Variants in COL27A1 observed in about 807,000 individuals in gnomAD.
COL27A1 encodes the protein collagen alpha-1(XXVII) chain.
A neutral mutation model predicts 251.3 loss-of-function variants in COL27A1; 106 were observed. The observed-to-expected ratio is 0.42, with a 90% CI of 0.36 to 0.50. The LOEUF (loss-of-function observed/expected upper bound fraction) is 0.50, where lower values mean the gene tolerates loss of function less well. Ranked by LOEUF, COL27A1 falls within the 20% of genes least tolerant of loss-of-function variation. COL27A1 has a pLI of 0.00. For synonymous variants in COL27A1, 1,000 were observed against 986.3 expected (o/e 1.01, Z -0.26); for missense variants, 2,325 against 2,522.8 (o/e 0.92, Z 1.68).
intron 1 of COL27A1, among the ~76,000 whole-genome samples, chr9:114,161,748 G>A (rs2135019683): frequency 6.6e-6 from 1 of 152,364 alleles, no homozygotes; most frequent in South Asian, 2.1e-4. Flanking sequence ...TACCCCAGGT[G>A]GCTTCGGGTG....
chr9:114,242,930 GA>G (rs1486365557), intron 22 of COL27A1, among the ~76,000 whole-genome samples: 1 of 151,794 alleles, frequency 6.6e-6, no homozygotes, highest in Non-Finnish European at 1.5e-5. Context: ...CATTTTTGCA[GA>G]TCTCTCTTTA....
rs147959640 is a variant in COL27A1 at position 114,203,824 on chromosome 9, C to T, written c.2125-1278C>T. 4.3e-3 allele frequency among the ~76,000 whole-genome samples: 653 copies of T among 152,160 alleles called. 2 individuals are homozygous for T. The highest frequency in any genetic ancestry group is 8.9e-3 in the African/African-American group (369 of 41,498). ...CTGGAGATGTTTGCAAGATTTCCAGCGTGTTCCCAGATGTCAGAAGGATCT... is the reference window on the plus strand; with the variant it reads ...CTGGAGATGTTTGCAAGATTTCCAGTGTGTTCCCAGATGTCAGAAGGATCT... On this transcript the variant is annotated intron_variant, in intron 7 of 60. Transcript: ENST00000356083.
At chr9:114,241,888 T>A (rs527754617) in intron 21 of COL27A1, among the ~76,000 whole-genome samples, 3 of 152,232 alleles carry the variant, frequency 2.0e-5, no homozygotes, top group Admixed American at 6.5e-5. Flanking sequence ...ATCTTTGAGC[T>A]GCAGTTTGAG....
chr9:114,242,318 G>A (rs1832817722), intron 22 of COL27A1, 87 bp downstream of exon 22: 16 of 1,213,560 alleles, frequency 1.3e-5, no homozygotes, highest in Non-Finnish European at 1.9e-5. Context: ...CAGTGCTCCA[G>A]AGGGAAGTCA....
At chr9:114,295,669 T>A (rs929829957) in intron 49 of COL27A1, among the ~76,000 whole-genome samples, 1 of 152,170 alleles carries the variant, frequency 6.6e-6, no homozygotes, top group African/African-American at 2.4e-5. Context: ...TTTTTTTGTT[T>A]TTTTTGAGAT....
intron 12 of COL27A1, among the ~76,000 whole-genome samples, chr9:114,219,571 C>T (rs1830938573): frequency 1.3e-5 from 2 of 152,124 alleles, no homozygotes; most frequent in African/African-American, 4.8e-5. Context: ...ATTTTCTTTT[C>T]AGAGACTTAG....
chr9:114,198,588 G>A (rs1829326174), intron 7 of COL27A1, among the ~76,000 whole-genome samples: 1 of 152,180 alleles, frequency 6.6e-6, no homozygotes, highest in Non-Finnish European at 1.5e-5. Flanking sequence ...TAAGCTGCAG[G>A]GCTAGGATTC....
At chr9:114,154,722 G>C (rs1229251269), upstream of COL27A1, among the ~76,000 whole-genome samples, 1 of 152,192 alleles carries the variant, frequency 6.6e-6, no homozygotes, top group Non-Finnish European at 1.5e-5. The surrounding 1 kb of genome is among the most constrained non-coding windows in gnomAD (Gnocchi z 5.8). Flanking sequence ...GGCTGTCCCA[G>C]AATGGGACCG....
rs1225431921 is a variant in COL27A1 at position 114,275,648 on chromosome 9, C to A, written c.3610-13C>A. The A allele has an allele frequency of 1.3e-6, 2 of 1,528,204 alleles. No homozygotes were observed. The highest frequency in any genetic ancestry group is 1.8e-6 in the Non-Finnish European group (2 of 1,129,668). 94.7% of individuals were successfully genotyped at this position (1,528,204 alleles called of 1,614,324 possible). A position where few individuals can be genotyped will look rare whatever the true frequency, so the allele number is the denominator to read the frequency against. ...TCTCTCTCTCTCTCCCCTCTTCATGCCCTGCCACCCAGGGGGACAGGGGAG... is the reference window on the plus strand; with the variant it reads ...TCTCTCTCTCTCTCCCCTCTTCATGACCTGCCACCCAGGGGGACAGGGGAG... On this transcript the variant is annotated splice_polypyrimidine_tract_variant and intron_variant, in intron 36 of 60. Coordinates refer to ENST00000356083, the MANE Select transcript of COL27A1 (RefSeq NM_032888.4).
upstream of COL27A1, among the ~76,000 whole-genome samples, chr9:114,154,615 G>A (rs1010045681): frequency 1.3e-5 from 2 of 152,168 alleles, no homozygotes; most frequent in African/African-American, 4.8e-5. This position sits in a 1 kb window ranked among gnomAD's most constrained non-coding sequence, Gnocchi z 5.8. Context: ...GCCTGTGTAA[G>A]CATCCGTGTG....
intron 13 of COL27A1, among the ~76,000 whole-genome samples, chr9:114,220,569 A>G (rs775702833): frequency 6.6e-6 from 1 of 152,194 alleles, no homozygotes; most frequent in Non-Finnish European, 1.5e-5. Context: ...TGGGGATTAT[A>G]GCCTTGACCT....
At chr9:114,209,773 CCCA>C (rs576742345) in intron 11 of COL27A1, 45 bp downstream of exon 11, 210 of 1,584,704 alleles carry the variant, frequency 1.3e-4, no homozygotes, top group Middle Eastern at 1.7e-4. Context: ...GCCACCCCTG[CCCA>C]AACAGAGCAG....
chr9:114,284,874 CT>C, intron 41 of COL27A1, 97 bp downstream of exon 41: 1 of 1,338,194 alleles, frequency 7.5e-7, no homozygotes, highest in Non-Finnish European at 1.1e-6. Flanking sequence ...GTACCCATGG[CT>C]GGAGAAGCCT....
chr9:114,252,706 G>C lies in COL27A1; in HGVS notation c.3087+60G>C, dbSNP rs113698557. The C allele has an allele frequency of 2.8e-3, 4,241 of 1,524,712 alleles. 84 individuals carry two copies. The African/African-American group carries it at 0.046, about 16-fold the overall frequency. 94.4% of individuals were successfully genotyped at this position (1,524,712 alleles called of 1,614,324 possible). On this transcript the variant is annotated intron_variant, in intron 26 of 60. Coordinates refer to ENST00000356083, the MANE Select transcript of COL27A1 (RefSeq NM_032888.4). ...TGTTGCAGCCTTGAGTGACAGCTCT[G>C]CTCTCCTCCATGAACCGCTTACCCC... is the stretch of plus-strand genomic sequence containing the variant.
chr9:114,234,762 A>G (rs1270219867), intron 16 of COL27A1, among the ~76,000 whole-genome samples: 5 of 152,156 alleles, frequency 3.3e-5, no homozygotes, highest in African/African-American at 1.2e-4. Flanking sequence ...TTCCCATGCT[A>G]TAGCTGATTA....
intron 16 of COL27A1, 92 bp from the exon 17 acceptor site, chr9:114,235,507 G>C: frequency 3.1e-6 from 3 of 963,206 alleles, no homozygotes; most frequent in Admixed American, 1.7e-5. Context: ...AAACAGCCTC[G>C]GCACAGCTGT....
At chr9:114,236,089 C>T (rs1832378984) in intron 17 of COL27A1, among the ~76,000 whole-genome samples, 2 of 151,996 alleles carry the variant, frequency 1.3e-5, no homozygotes. Context: ...TGCCGTGGGC[C>T]TCTGTACACA....
chr9:114,288,736 C>T lies in COL27A1; in HGVS notation c.4079C>T (p.Pro1360Leu), dbSNP rs202194778. ...GGTGATCGAGGAGACCGCGGGGAACCGGGAGACCCTGGGTACCCTGTAAGT... is the reference window on the plus strand; with the variant it reads ...GGTGATCGAGGAGACCGCGGGGAACTGGGAGACCCTGGGTACCCTGTAAGT... ...PVGDRGDRGE[P>L]GDPGYPGQEG... The change falls in exon 43 of 61, where the codon CCG (proline) becomes CTG (leucine). Residue 1360 changes from proline (P) to leucine (L), a missense_variant. This residue lies in a region of COL27A1 where 662 missense variants were observed against 795.3 expected (regional missense o/e 0.83). Coordinates refer to ENST00000356083, the MANE Select transcript of COL27A1 (RefSeq NM_032888.4). 489 of 1,610,782 alleles carry T rather than the reference C, an allele frequency of 3.0e-4. No homozygotes were observed. Among genetic ancestry groups the T allele is most frequent in the Middle Eastern group, 5.0e-4 (3 of 6,050 alleles).
chr9:114,287,241 C>T (rs963461217), intron 41 of COL27A1, among the ~76,000 whole-genome samples: 3 of 152,152 alleles, frequency 2.0e-5, no homozygotes, highest in East Asian at 3.9e-4. Context: ...GCCCCAGGGA[C>T]GCTTTGCCTC....
Sources: gnomAD v4.1 joint callset for allele counts (sites outside exome capture counted in the v4.1 genomes callset) on GRCh38, gnomAD v4.1.1 for gene constraint, gnomAD v4.1.1 regional missense constraint, Gnocchi (gnomAD v3.1) non-coding constraint, MANE v1.5 for transcripts, NCBI Gene and HGNC (gene_info 2026-07-23, HGNC 2026-07-21) for gene names.